The following LOC128125822 variants were observed in gnomAD, a reference collection of about 807,000 sequenced individuals.
chr6:63,576,910 G>T, the LOC128125822 span: 1 of 1,613,574 alleles, frequency 6.2e-7, no homozygotes, highest in Middle Eastern at 1.7e-4. Context: ...CAGCTCCTGT[G>T]GAAGTCACAT....
At chr6:63,579,620 A>G in the LOC128125822 span, among the ~76,000 whole-genome samples, 2 of 152,206 alleles carry the variant, frequency 1.3e-5, no homozygotes, top group African/African-American at 4.8e-5. Flanking sequence ...ACATTTAAAG[A>G]TACAATAAAA....
the LOC128125822 span, among the ~76,000 whole-genome samples, chr6:63,577,845 T>C: frequency 6.7e-6 from 1 of 149,608 alleles, no homozygotes; most frequent in Non-Finnish European, 1.5e-5. Flanking sequence ...TTTATTACTA[T>C]ATATTATATA....
At chr6:63,578,359 AGAT>A in the LOC128125822 span, 2 of 1,444,548 alleles carry the variant, frequency 1.4e-6, no homozygotes, top group Non-Finnish European at 9.3e-7. Flanking sequence ...TACTGATCAG[AGAT>A]GATCAGAATA....
the LOC128125822 span, chr6:63,576,869 A>C: frequency 1.2e-6 from 2 of 1,602,138 alleles, no homozygotes; most frequent in South Asian, 2.2e-5. Context: ...AGTGTTTTTT[A>C]ACTAAATTAA....
At chr6:63,581,601 G>C in the LOC128125822 span, 2 of 152,082 alleles carry the variant, frequency 1.3e-5, no homozygotes, top group Non-Finnish European at 2.9e-5. Context: ...GACAAAATTT[G>C]TTAGGGTCAT....
At chr6:63,575,560 T>C in the LOC128125822 span, among the ~76,000 whole-genome samples, 1 of 152,214 alleles carries the variant, frequency 6.6e-6, no homozygotes, top group Non-Finnish European at 1.5e-5. Context: ...TACCTTGCTT[T>C]TGAGACCTGC....
the LOC128125822 span, among the ~76,000 whole-genome samples, chr6:63,577,221 A>C: frequency 2.0e-4 from 30 of 152,372 alleles, no homozygotes; most frequent in African/African-American, 7.0e-4. Context: ...GTATGTGGAC[A>C]GTAAAACAGT....
the LOC128125822 span, chr6:63,583,357 T>C: frequency 3.3e-5 from 5 of 152,192 alleles, no homozygotes; most frequent in East Asian, 9.6e-4. Context: ...GAATTGAAAA[T>C]TAAAGACTGG....
chr6:63,577,000 G>GTT, the LOC128125822 span: 3 of 1,578,704 alleles, frequency 1.9e-6, no homozygotes, highest in Non-Finnish European at 1.7e-6. Flanking sequence ...GATTTGATAT[G>GTT]TTTTAGTAGC....
chr6:63,578,496 T>G, the LOC128125822 span: 5 of 1,612,226 alleles, frequency 3.1e-6, no homozygotes, highest in Non-Finnish European at 4.2e-6. Flanking sequence ...CTTATGACAC[T>G]ACTCTTGTGG....
chr6:63,577,971 T>C, the LOC128125822 span, among the ~76,000 whole-genome samples: 1 of 131,674 alleles, frequency 7.6e-6, no homozygotes, highest in African/African-American at 3.3e-5. Context: ...TTTTTTACTG[T>C]AGTTAAGACT....
the LOC128125822 span, among the ~76,000 whole-genome samples, chr6:63,573,898 T>TG: frequency 1.6e-4 from 25 of 152,186 alleles, 1 homozygote; most frequent in Admixed American, 1.4e-3. Context: ...AATCGGGGAC[T>TG]GTTTAGAACT....
the LOC128125822 span, chr6:63,580,551 T>C: frequency 3.0e-5 from 5 of 168,274 alleles, no homozygotes; most frequent in South Asian, 7.7e-4. Context: ...TACTTGTATA[T>C]TTTTAGTACC....
At chr6:63,582,429 CTG>C in the LOC128125822 span, 1 of 152,568 alleles carries the variant, frequency 6.6e-6, no homozygotes, top group African/African-American at 2.4e-5. Flanking sequence ...TAAACCTTAT[CTG>C]TACATTATAC....
the LOC128125822 span, chr6:63,580,263 C>G: frequency 2.8e-6 from 3 of 1,074,094 alleles, no homozygotes; most frequent in Non-Finnish European, 4.2e-6. Flanking sequence ...CTTAGTAAGT[C>G]TAATGAAGCT....
At chr6:63,578,041 C>A in the LOC128125822 span, among the ~76,000 whole-genome samples, 2 of 151,782 alleles carry the variant, frequency 1.3e-5, no homozygotes, top group African/African-American at 4.8e-5. Flanking sequence ...AGTCAGATTA[C>A]CCGATTAGTT....
the LOC128125822 span, among the ~76,000 whole-genome samples, chr6:63,572,919 G>A: frequency 2.0e-4 from 30 of 152,278 alleles, no homozygotes; most frequent in Non-Finnish European, 3.5e-4. Flanking sequence ...CAGATGCCGG[G>A]CCCCTCGGGG....
At chr6:63,580,630 A>G in the LOC128125822 span, 2 of 153,832 alleles carry the variant, frequency 1.3e-5, no homozygotes, top group Non-Finnish European at 2.9e-5. Flanking sequence ...AATCATTTCA[A>G]ACATTGAAAG....
chr6:63,580,307 C>CCTCAA, the LOC128125822 span: 1 of 731,510 alleles, frequency 1.4e-6, no homozygotes, highest in Non-Finnish European at 2.3e-6. Context: ...TTTTACCAGG[C>CCTCAA]CTCAAGCTAG....
Sources: allele counts gnomAD v4.1 joint callset (sites outside exome capture counted in the v4.1 genomes callset), GRCh38; gene constraint gnomAD v4.1.1; transcripts MANE v1.5.